Variants in MTA2 observed in about 807,000 individuals in gnomAD.
MTA2 encodes metastasis associated 1 family member 2, also known as metastasis-associated protein MTA2.
MTA2 carries 22 observed loss-of-function variants against 87.1 expected under a neutral mutation model. The observed-to-expected ratio is 0.25, with a 90% CI of 0.18 to 0.36. The LOEUF is 0.36. Among genes scored for constraint, MTA2 ranks in the 10% least tolerant of loss-of-function variants. The pLI is 1.00. For missense variants in MTA2, 542 were observed against 853.2 expected (o/e 0.64, Z 4.54); for synonymous variants, 314 against 310.1 (o/e 1.01, Z -0.13).
Position 62,595,514 on chromosome 11 carries a change from G to A in MTA2, c.1255-22C>T. The A allele has an allele frequency of 6.2e-7, 1 of 1,612,190 alleles. No individual in the cohort carries two copies. On this transcript the variant is annotated intron_variant, in intron 13 of 17. Coordinates refer to ENST00000278823, the MANE Select transcript of MTA2 (RefSeq NM_004739.4). The surrounding 1 kb of genome is among the most constrained non-coding windows in gnomAD (Gnocchi z 4.9). Reference sequence around the variant, plus strand: ...GCTCCTAGAAGAAGAGCATAGGAAAGAGAGAGAGCAGAAATCAGCACTGAG... The same window carrying A: ...GCTCCTAGAAGAAGAGCATAGGAAAAAGAGAGAGCAGAAATCAGCACTGAG...
Position 62,596,694 on chromosome 11 carries a change from T to C in MTA2, c.825A>G (p.Leu275=), listed in dbSNP as rs1942103248. ...CATACTTCTCTAGGGCCTCCTCAAA[T>C]AGCATGGCCTCTGAGGCTGACCATT... The part of the protein sequence containing the change: ...MEEWSASEAM[L]FEEALEKYGK... The change falls in exon 9 of 18, where the codon CTA becomes CTG. Residue 275 remains leucine, a synonymous_variant. Transcript: ENST00000278823. 1.2e-6 allele frequency: 2 copies of C among 1,613,988 alleles called. No homozygotes were observed. The highest frequency in any genetic ancestry group is 1.7e-6 in the Non-Finnish European group (2 of 1,179,920).
rs372644347 is a variant in MTA2 at position 62,600,682 on chromosome 11, G to A, written c.36C>T (p.Val12=). The change falls in exon 2 of 18, where the codon GTC becomes GTT. Residue 12 remains valine (V), a synonymous_variant. Coordinates refer to ENST00000278823, the MANE Select transcript of MTA2 (RefSeq NM_004739.4). ...AANMYRVGDY[V]YFENSSSNPY... ...GATTGCTGGAAGAGTTCTCAAAATA[G>A]ACGTAATCTGTAAGGGAAGGGAGGG... The A allele has an allele frequency of 6.2e-7, 1 of 1,613,786 alleles. No individual in the cohort carries two copies. Among genetic ancestry groups the A allele is most frequent in the Admixed American group, 1.7e-5 (1 of 60,014 alleles).
At chr11:62,597,908 C>T (rs1942121191) in intron 6 of MTA2, 116 bp downstream of exon 6, 1 of 1,066,638 alleles carries the variant, frequency 9.4e-7, no homozygotes, top group East Asian at 2.4e-5. Context: ...GGCAGAGAGC[C>T]CTGCAGACAG....
chr11:62,597,716 G>C lies in MTA2; in HGVS notation c.491-4C>G. 1 of 1,613,392 alleles carries C rather than the reference G, an allele frequency of 6.2e-7. No homozygotes were observed. Among genetic ancestry groups the C allele is most frequent in the Non-Finnish European group, 8.5e-7 (1 of 1,179,466 alleles). ...TGGTTCCGATTATCAGATTCTCCTG[G>C]GGAAAAGAACAATGGCATCAACAGG... is the stretch of plus-strand genomic sequence containing the variant. On this transcript the variant is annotated splice_region_variant and splice_polypyrimidine_tract_variant and intron_variant, in intron 6 of 17. Coordinates refer to ENST00000278823, the MANE Select transcript of MTA2 (RefSeq NM_004739.4).
rs760263508 is a variant in MTA2, at chr11:62,594,251, C to T, written c.1841+8G>A. The T allele has an allele frequency of 1.9e-6, 3 of 1,614,100 alleles. No homozygotes were observed. The highest frequency in any genetic ancestry group is 2.2e-5 in the South Asian group (2 of 91,066). On this transcript the variant is annotated splice_region_variant and intron_variant, in intron 17 of 17. Coordinates refer to ENST00000278823, the MANE Select transcript of MTA2 (RefSeq NM_004739.4). ...CCCTCTCAGCCCCTCCCATGGTAGA[C>T]GCCTTACCTGGTATCCTTTGTGGCC...
Position 62,593,829 on chromosome 11 carries a change from G to A in MTA2, c.*46C>T. On this transcript the variant is annotated 3_prime_UTR_variant, in exon 18 of 18. Coordinates refer to ENST00000278823, the MANE Select transcript of MTA2 (RefSeq NM_004739.4). The stretch of plus-strand genomic sequence containing the variant: ...GGGAAGGGAGGTTTGGGTGCCCTGG[G>A]CATCCACCCTCTACCTCTCAGCCCA... 1 of 1,609,692 alleles carries A rather than the reference G, an allele frequency of 6.2e-7. No individual in the cohort carries two copies. The highest frequency in any genetic ancestry group is 8.5e-7 in the Non-Finnish European group (1 of 1,177,494).
At position 62,594,576 on chromosome 11, in the gene MTA2, T is replaced by G. The variant is rs1461342778; in HGVS notation, c.1632A>C (p.Arg544Ser). 1 of 1,614,192 alleles carries G rather than the reference T, an allele frequency of 6.2e-7. No homozygotes were observed. Among genetic ancestry groups the G allele is most frequent in the Admixed American group, 1.7e-5 (1 of 60,010 alleles). The change falls in exon 16 of 18, where the codon AGA becomes AGC. Residue 544 changes from arginine (R) to serine (S), a missense_variant. Arg to Ser is a moderately radical substitution (Grantham distance 110). Transcript: ENST00000278823. ...TPRGTKTPIN[R>S]NQLSQNRGLG... ...GTCCCCGGTTCTGGGACAGCTGGTT[T>G]CTGTTGATCGGTGTCTTGGTACCCC... is the stretch of plus-strand genomic sequence containing the variant.
At position 62,597,711 on chromosome 11, in the gene MTA2, T is replaced by A; in HGVS notation, c.492A>T (p.Gly164=). 6.2e-7 allele frequency: 1 copy of A among 1,613,806 alleles called. No homozygotes were observed. The highest frequency in any genetic ancestry group is 1.7e-5 in the Admixed American group (1 of 59,980). ...TCTGCTGGTTCCGATTATCAGATTC[T>A]CCTGGGGAAAAGAACAATGGCATCA... ...QAEIPDRLVE[G]ESDNRNQQKM... is the part of the protein sequence containing the mutation. Residue 164 remains glycine (G), a splice_region_variant and synonymous_variant, in exon 7 of 18, where the codon GGA becomes GGT. Transcript: ENST00000278823.
chr11:62,601,213 T>C, intron 1 of MTA2: 1 of 608,916 alleles, frequency 1.6e-6, no homozygotes, highest in Non-Finnish European at 2.8e-6. Context: ...CCGTCGGGGC[T>C]GCCCGCAGCT....
chr11:62,596,896 A>T, intron 8 of MTA2, 71 bp from the exon 9 acceptor site: 2 of 1,469,666 alleles, frequency 1.4e-6, no homozygotes, highest in East Asian at 4.6e-5. Flanking sequence ...TCCTTAAAAC[A>T]CTCCCACTCC....
At chr11:62,601,271 C>T in intron 1 of MTA2, 152 bp downstream of exon 1, 2 of 988,940 alleles carry the variant, frequency 2.0e-6, no homozygotes, top group Middle Eastern at 3.0e-4. Flanking sequence ...TCCCCGCACC[C>T]TCTCTCCTCG....
At position 62,595,496 on chromosome 11, in the gene MTA2, G is replaced by A. The variant is rs78263220; in HGVS notation, c.1255-4C>T. 103 of 1,613,462 alleles carry A rather than the reference G, an allele frequency of 6.4e-5. No individual in the cohort carries two copies. The African/African-American group carries it at 1.3e-3, about 21-fold the overall frequency. On this transcript the variant is annotated splice_region_variant and splice_polypyrimidine_tract_variant and intron_variant, in intron 13 of 17. Transcript: ENST00000278823. This position sits in a 1 kb window ranked among gnomAD's most constrained non-coding sequence, Gnocchi z 4.9. The stretch of plus-strand genomic sequence containing the variant: ...AATGACCCCTTGAGTGTGGCTCCTA[G>A]AAGAAGAGCATAGGAAAGAGAGAGA...
intron 1 of MTA2, chr11:62,601,038 C>A: frequency 8.2e-6 from 4 of 489,930 alleles, no homozygotes; most frequent in East Asian, 3.8e-5. Context: ...CGAATCGAGG[C>A]GCACAATAAC....
rs1178622604 is a variant in MTA2 at position 62,594,298 on chromosome 11, G to A, written c.1802C>T (p.Ala601Val). 1.9e-6 allele frequency: 3 copies of A among 1,614,190 alleles called. No individual in the cohort carries two copies. The highest frequency in any genetic ancestry group is 2.2e-5 in the East Asian group (1 of 44,892). Residue 601 changes from alanine to valine, a missense_variant, in exon 17 of 18, where the codon GCC becomes GTC. By Grantham distance (64) the Ala-to-Val change is moderately conservative. Coordinates refer to ENST00000278823, the MANE Select transcript of MTA2 (RefSeq NM_004739.4). ...GGCCACAAACACCACAGGATTGGGG[G>A]CATCAGCTGGGTTTAGTTTCTGACG... ...AKRQKLNPAD[A>V]PNPVVFVATK...
chr11:62,596,205 C>A (rs1032783114), intron 11 of MTA2, 74 bp downstream of exon 11: 23 of 1,595,522 alleles, frequency 1.4e-5, no homozygotes, highest in Non-Finnish European at 1.8e-5. Flanking sequence ...CTGCCCACCC[C>A]CAATCACTGA....
chr11:62,596,661 G>A lies in MTA2; in HGVS notation c.858C>T (p.Asp286=). The change falls in exon 9 of 18, where the codon GAC becomes GAT. Residue 286 remains aspartate, a synonymous_variant. Coordinates refer to ENST00000278823, the MANE Select transcript of MTA2 (RefSeq NM_004739.4). ...CAAAATCCTGGCGAATATCATTGAA[G>A]TCCTTCCCATACTTCTCTAGGGCCT... ...FEEALEKYGK[D]FNDIRQDFLP... 1 of 1,613,232 alleles carries A rather than the reference G, an allele frequency of 6.2e-7. No homozygotes were observed. Among genetic ancestry groups the A allele is most frequent in the Non-Finnish European group, 8.5e-7 (1 of 1,179,504 alleles).
In MTA2 at chr11:62,595,073, G is replaced by A. The variant is rs1485945863; in HGVS notation, c.1484-3C>T. The A allele has an allele frequency of 3.1e-6, 5 of 1,613,876 alleles. No homozygotes were observed. Among genetic ancestry groups the A allele is most frequent in the Non-Finnish European group, 4.2e-6 (5 of 1,179,866 alleles). ...GGCCTTAGGAAGTCGAATGGAGCCTGGAGAACAAAGAAGAAAGCTTCTGAA... is the reference window on the plus strand; with the variant it reads ...GGCCTTAGGAAGTCGAATGGAGCCTAGAGAACAAAGAAGAAAGCTTCTGAA... On this transcript the variant is annotated splice_region_variant and splice_polypyrimidine_tract_variant and intron_variant, in intron 14 of 17. Coordinates refer to ENST00000278823, the MANE Select transcript of MTA2 (RefSeq NM_004739.4). This position sits in a 1 kb window ranked among gnomAD's most constrained non-coding sequence, Gnocchi z 4.9.
In MTA2 at chr11:62,595,929, A is replaced by G. The variant is rs531929174; in HGVS notation, c.1115-38T>C. On this transcript the variant is annotated intron_variant, in intron 12 of 17. Transcript: ENST00000278823. This position sits in a 1 kb window ranked among gnomAD's most constrained non-coding sequence, Gnocchi z 4.9. ...GAGAGGAGGGGGACAGGGAAGAAGC[A>G]TACTACCTAAGCCCCTCAGATTCTT... 1.2e-6 allele frequency: 2 copies of G among 1,613,996 alleles called. No individual in the cohort carries two copies. The highest frequency in any genetic ancestry group is 2.7e-5 in the African/African-American group (2 of 74,912).
intron 1 of MTA2, chr11:62,600,898 T>C (rs1168794141): frequency 3.6e-6 from 2 of 556,750 alleles, no homozygotes; most frequent in East Asian, 3.0e-5. Context: ...TTAGATCCTT[T>C]ACTCAAAAGA....
Sources: allele counts gnomAD v4.1 joint callset, GRCh38; gene constraint gnomAD v4.1.1; non-coding constraint Gnocchi (gnomAD v3.1); transcripts MANE v1.5; gene names NCBI Gene and HGNC (gene_info 2026-07-23, HGNC 2026-07-21).